VAV3: variants seen among roughly 807,000 people sequenced by gnomAD.
VAV3 encodes vav guanine nucleotide exchange factor 3, also known as guanine nucleotide exchange factor VAV3.
Under a neutral mutation model 131.2 loss-of-function variants are expected in VAV3, and 94 were observed. That is an observed-to-expected ratio of 0.72 (90% confidence interval 0.61 to 0.85). The LOEUF (loss-of-function observed/expected upper bound fraction) is 0.85. Among genes scored for constraint, VAV3 ranks in the 40% least tolerant of loss-of-function variants. The probability of loss-of-function intolerance (pLI) is 0.00; values close to 1 mark genes in which losing one functional copy is unlikely to be tolerated. For synonymous variants in VAV3, 349 were observed against 342.0 expected, an observed-to-expected ratio of 1.02 and a Z score of -0.22; for missense variants, 939 against 1,002.7, an observed-to-expected ratio of 0.94 and a Z score of 0.86.
chr1:107,875,693 A>G (rs1670462313), intron 1 of VAV3, among the ~76,000 whole-genome samples: 1 of 152,192 alleles, frequency 6.6e-6, no homozygotes, highest in African/African-American at 2.4e-5. Context: ...GCCTTGGCCA[A>G]AAGGAGGACA....
chr1:107,733,352 C>T (rs1415853453), intron 15 of VAV3, among the ~76,000 whole-genome samples: 1 of 152,190 alleles, frequency 6.6e-6, no homozygotes, highest in Non-Finnish European at 1.5e-5. Context: ...ATCGCAGCTC[C>T]TCGCCAGCAA....
chr1:107,817,444 T>C (rs534204577), intron 2 of VAV3, among the ~76,000 whole-genome samples: 1 of 152,184 alleles, frequency 6.6e-6, no homozygotes, highest in African/African-American at 2.4e-5. Flanking sequence ...GACAAGCTGG[T>C]TAGAGTCAGA....
chr1:107,830,999 G>A (rs781316001), intron 2 of VAV3, among the ~76,000 whole-genome samples: 15 of 152,234 alleles, frequency 9.9e-5, no homozygotes, highest in Non-Finnish European at 2.1e-4. Context: ...AAGCTCAGAT[G>A]TGGGGAATAA....
At chr1:107,914,953 G>A (rs532507680) in intron 1 of VAV3, among the ~76,000 whole-genome samples, 7 of 152,232 alleles carry the variant, frequency 4.6e-5, no homozygotes, top group African/African-American at 1.7e-4. Context: ...AAAACTAAAG[G>A]GAAGAACTCA....
At chr1:107,863,532 A>G (rs768416687) in intron 2 of VAV3, among the ~76,000 whole-genome samples, 22 of 152,184 alleles carry the variant, frequency 1.4e-4, no homozygotes, top group Non-Finnish European at 2.9e-4. Flanking sequence ...TCTGGCCCCA[A>G]TCTCTGCTGG....
intron 2 of VAV3, among the ~76,000 whole-genome samples, chr1:107,796,929 G>C (rs1382908537): frequency 7.3e-6 from 1 of 137,598 alleles, no homozygotes; most frequent in Non-Finnish European, 1.7e-5. Context: ...ATATTAAATA[G>C]TTTAATTCAA....
intron 1 of VAV3, among the ~76,000 whole-genome samples, chr1:107,885,939 G>A (rs965990347): frequency 6.6e-6 from 1 of 152,184 alleles, no homozygotes; most frequent in Admixed American, 6.5e-5. Flanking sequence ...AACAGGACAT[G>A]TCAATCCCAC....
At position 107,621,089 on chromosome 1, in the gene VAV3, A is replaced by ATT. The variant is rs5776895; in HGVS notation, c.1915-3459_1915-3458dup. Among the ~76,000 whole-genome samples the ATT allele has an allele frequency of 3.0e-3, 439 of 147,392 alleles. 2 individuals carry two copies. The highest frequency in any genetic ancestry group is 6.8e-3 in the African/African-American group (275 of 40,286). On this transcript the variant is annotated intron_variant, in intron 20 of 26. Transcript: ENST00000370056. ...ACACATGGTCATCATATCAAAACTC[A>ATT]TTTTTTTTTTTTTACCTCTTTTAAA...
At chr1:107,796,721 A>G (rs1666564330) in intron 2 of VAV3, among the ~76,000 whole-genome samples, 1 of 151,792 alleles carries the variant, frequency 6.6e-6, no homozygotes, top group Non-Finnish European at 1.5e-5. Flanking sequence ...CCTGGGAATC[A>G]TGACAGAGTC....
At chr1:107,762,116 CAAA>C (rs34560210) in intron 9 of VAV3, among the ~76,000 whole-genome samples, 5 of 107,830 alleles carry the variant, frequency 4.6e-5, no homozygotes, top group Admixed American at 9.4e-5. Flanking sequence ...TGGTGTTCTT[CAAA>C]AAAAAAAAAA....
chr1:107,950,910 T>C (rs1043813097), intron 1 of VAV3, among the ~76,000 whole-genome samples: 12 of 152,338 alleles, frequency 7.9e-5, no homozygotes, highest in African/African-American at 2.6e-4. Flanking sequence ...CAAGCCTCTT[T>C]ACTTTCAGTA....
rs530977454 is a variant in VAV3, at chr1:107,740,520, T to G, written c.1502+8448A>C. 2.0e-5 allele frequency among the ~76,000 whole-genome samples: 3 copies of G among 152,270 alleles called. No individual in the cohort carries two copies. The East Asian group carries it at 5.8e-4, about 29-fold the overall frequency. ...GACAAATATAGATAATTCATCCAGGTTTATAGTTTTTTTTGGTGGAGTTAA... is the reference window on the plus strand; with the variant it reads ...GACAAATATAGATAATTCATCCAGGGTTATAGTTTTTTTTGGTGGAGTTAA... On this transcript the variant is annotated intron_variant, in intron 15 of 26. Transcript: ENST00000370056.
At position 107,603,098 on chromosome 1, in the gene VAV3, T is replaced by A; in HGVS notation, c.2081A>T (p.Tyr694Phe). Residue 694 changes from tyrosine to phenylalanine, a missense_variant, in exon 23 of 27, where the codon TAC becomes TTC. By Grantham distance (22) the Tyr-to-Phe change is conservative. Coordinates refer to ENST00000370056, the MANE Select transcript of VAV3 (RefSeq NM_006113.5). ...TELINRVNST[Y>F]LVRHRTKESG... is the part of the protein sequence containing the mutation. ...CTCTTTGGTCCTGTGCCTCACAAGG[T>A]AAGTACTATTTACCCTATTAATAAG... The A allele has an allele frequency of 6.2e-7, 1 of 1,613,748 alleles. No individual in the cohort carries two copies. The highest frequency in any genetic ancestry group is 8.5e-7 in the Non-Finnish European group (1 of 1,179,822).
intron 4 of VAV3, among the ~76,000 whole-genome samples, chr1:107,775,577 C>CAAAAAAAA (rs34775096): frequency 8.9e-4 from 50 of 56,480 alleles, no homozygotes; most frequent in East Asian, 4.3e-3. Context: ...GACTCAGTCA[C>CAAAAAAAA]AAAAAAAAAA....
chr1:107,686,034 T>TGGGGGGGGGTGGGGGGGGGGGGG (rs554715740), intron 18 of VAV3: 1 of 85,086 alleles, frequency 1.2e-5, no homozygotes, highest in Non-Finnish European at 2.3e-5. Context: ...GTTGGGGGGG[T>TGGGGGGGGGTGGGGGGGGGGGGG]GGGGGGGGAG....
intron 1 of VAV3, among the ~76,000 whole-genome samples, chr1:107,953,677 G>C (rs1487081988): frequency 6.6e-6 from 1 of 152,150 alleles, no homozygotes; most frequent in African/African-American, 2.4e-5. Flanking sequence ...CTAGAACCCA[G>C]GTCTCCTGAC....
At chr1:107,581,097 T>C (rs1650016591) in intron 25 of VAV3, among the ~76,000 whole-genome samples, 1 of 152,242 alleles carries the variant, frequency 6.6e-6, no homozygotes, top group Non-Finnish European at 1.5e-5. Flanking sequence ...TGGAAGCTTC[T>C]TGAAAGAGAA....
chr1:107,710,155 G>A lies in VAV3; in HGVS notation c.1503-5094C>T, dbSNP rs58113303. ...TAAAGGAAGCAAATCCTAGCAAGAT[G>A]AAATCATCTGTAATGATCATGACCA... is the stretch of plus-strand genomic sequence containing the variant. On this transcript the variant is annotated intron_variant, in intron 15 of 26. Transcript: ENST00000370056. Among the ~76,000 whole-genome samples the A allele has an allele frequency of 5.3e-3, 813 of 152,276 alleles. 10 individuals carry two copies. The highest frequency in any genetic ancestry group is 0.017 in the African/African-American group (716 of 41,560).
rs1378228835 is a variant in VAV3 at position 107,748,983 on chromosome 1, T to C, written c.1487A>G (p.Gln496Arg). Residue 496 changes from glutamine (Q) to arginine (R), a missense_variant, in exon 15 of 27, where the codon CAG becomes CGG. Gln to Arg is a conservative substitution (Grantham distance 43). Coordinates refer to ENST00000370056, the MANE Select transcript of VAV3 (RefSeq NM_006113.5). ...TKDLKKKWLE[Q>R]FEMALSNIRP... ...AAATACTCACAAAGCCATTTCAAACTGTTCTAGCCATTTCTTCTTTAAATC... is the reference window on the plus strand; with the variant it reads ...AAATACTCACAAAGCCATTTCAAACCGTTCTAGCCATTTCTTCTTTAAATC... 2 of 1,601,222 alleles carry C rather than the reference T, an allele frequency of 1.2e-6. No homozygotes were observed. Among genetic ancestry groups the C allele is most frequent in the South Asian group, 1.1e-5 (1 of 88,258 alleles).
Sources: gnomAD v4.1 joint callset for allele counts (sites outside exome capture counted in the v4.1 genomes callset) on GRCh38, gnomAD v4.1.1 for gene constraint, MANE v1.5 for transcripts, NCBI Gene and HGNC (gene_info 2026-07-23, HGNC 2026-07-21) for gene names.